Variants in WDR72 observed in about 807,000 individuals in gnomAD.
WDR72 encodes WD repeat domain 72, also known as WD repeat-containing protein 72.
WDR72 carries 120 observed loss-of-function variants against 124.2 expected under a neutral mutation model. The ratio of observed to expected loss-of-function variants is 0.97; its 90% CI spans 0.83 to 1.12. WDR72 has a LOEUF of 1.12. Among genes scored for constraint, WDR72 ranks in the 50% most tolerant of loss-of-function variants. WDR72 has a pLI of 0.00. For synonymous variants in WDR72, 452 were observed against 441.7 expected, an observed-to-expected ratio of 1.02 and a Z score of -0.29; for missense variants, 1,387 against 1,278.8, an observed-to-expected ratio of 1.08 and a Z score of -1.29.
intron 14 of WDR72, among the ~76,000 whole-genome samples, chr15:53,660,772 A>C (rs1337242550): frequency 2.6e-5 from 4 of 152,168 alleles, no homozygotes; most frequent in African/African-American, 9.7e-5. Context: ...GTTTCTCTAC[A>C]AAGGGTGGTT....
At chr15:53,660,894 T>C (rs913584316) in intron 14 of WDR72, among the ~76,000 whole-genome samples, 1 of 152,114 alleles carries the variant, frequency 6.6e-6, no homozygotes, top group Non-Finnish European at 1.5e-5. Context: ...TCATGTAAAA[T>C]ACAGATATGG....
At chr15:53,522,334 A>G (rs903411200) in intron 19 of WDR72, among the ~76,000 whole-genome samples, 1 of 152,074 alleles carries the variant, frequency 6.6e-6, no homozygotes, top group Non-Finnish European at 1.5e-5. Context: ...AATCAAAAAT[A>G]TGATACATGG....
At chr15:53,607,827 C>T (rs150924213) in intron 17 of WDR72, among the ~76,000 whole-genome samples, 14 of 151,774 alleles carry the variant, frequency 9.2e-5, no homozygotes, top group African/African-American at 3.4e-4. Context: ...TCTAACAATC[C>T]AATAAAAAAA....
At chr15:53,567,963 A>G (rs1171054822) in intron 18 of WDR72, among the ~76,000 whole-genome samples, 1 of 150,744 alleles carries the variant, frequency 6.6e-6, no homozygotes, top group Non-Finnish European at 1.5e-5. Context: ...TTTATCTCAA[A>G]CATTAATTGC....
intron 9 of WDR72, among the ~76,000 whole-genome samples, chr15:53,710,428 G>A (rs907170026): frequency 6.6e-6 from 1 of 151,836 alleles, no homozygotes; most frequent in Non-Finnish European, 1.5e-5. Flanking sequence ...GTTAGCAATT[G>A]GTGAATCTAA....
chr15:53,690,191 A>G, intron 13 of WDR72, among the ~76,000 whole-genome samples: 1 of 152,028 alleles, frequency 6.6e-6, no homozygotes, highest in Non-Finnish European at 1.5e-5. Context: ...CAATGTGCAC[A>G]TGTACCCTAA....
At chr15:53,630,769 A>G (rs1053393770) in intron 14 of WDR72, among the ~76,000 whole-genome samples, 1 of 152,128 alleles carries the variant, frequency 6.6e-6, no homozygotes, top group Non-Finnish European at 1.5e-5. Context: ...ATGGTGAAAA[A>G]CCAAATGCTT....
intron 14 of WDR72, among the ~76,000 whole-genome samples, chr15:53,646,591 GA>G: frequency 6.6e-6 from 1 of 152,220 alleles, no homozygotes; most frequent in African/African-American, 2.4e-5. Context: ...ACAAACAAGA[GA>G]CAAAAGCTAG....
intron 14 of WDR72, among the ~76,000 whole-genome samples, chr15:53,633,611 T>C (rs1019744638): frequency 6.6e-6 from 1 of 152,188 alleles, no homozygotes; most frequent in Non-Finnish European, 1.5e-5. Context: ...TTTATGTATC[T>C]AACAGCATAG....
chr15:53,515,031 ATATATATGTG>A lies in WDR72; in HGVS notation c.*2658_*2667del, dbSNP rs1344783506. The A allele has an allele frequency of 8.9e-4, 112 of 125,226 alleles. No homozygotes were observed. The highest frequency in any genetic ancestry group is 2.7e-3 in the African/African-American group (103 of 37,522). The allele number at this position is 125,226 out of a possible 1,614,324, so 7.8% of individuals were successfully genotyped here. ...GCCATATATATATATATATACACAC[ATATATATGTG>A]TATATATATGTGTGTATATATATAC... On this transcript the variant is annotated 3_prime_UTR_variant, in exon 20 of 20. Transcript: ENST00000360509.
At chr15:53,727,570 C>T (rs1018258429) in intron 2 of WDR72, among the ~76,000 whole-genome samples, 4 of 152,142 alleles carry the variant, frequency 2.6e-5, no homozygotes, top group Admixed American at 2.0e-4. Flanking sequence ...CAGAAGGTTC[C>T]ATCTCAGAGA....
intron 13 of WDR72, among the ~76,000 whole-genome samples, chr15:53,693,896 G>C (rs1294222479): frequency 6.6e-6 from 1 of 152,140 alleles, no homozygotes; most frequent in African/African-American, 2.4e-5. Flanking sequence ...TCAGAGGCTG[G>C]GTGCTCATGC....
At chr15:53,518,964 A>G (rs1891630652) in intron 19 of WDR72, among the ~76,000 whole-genome samples, 2 of 152,134 alleles carry the variant, frequency 1.3e-5, no homozygotes, top group Admixed American at 6.6e-5. Flanking sequence ...ATTATAAACT[A>G]CTTCAGAATG....
In WDR72 at chr15:53,606,063, A is replaced by G. The variant is rs559266025; in HGVS notation, c.2952+3450T>C. Among the ~76,000 whole-genome samples the G allele has an allele frequency of 1.8e-4, 27 of 152,256 alleles. No homozygotes were observed. In the South Asian group the frequency reaches 5.4e-3, roughly 30 times the overall value. ...AGTCTGGACTTCCTGTAGAGTGGGT[A>G]AATTCTCTGGTAGTCTTTGTCCACA... On this transcript the variant is annotated intron_variant, in intron 17 of 19. Coordinates refer to ENST00000360509, the MANE Select transcript of WDR72 (RefSeq NM_182758.4).
chr15:53,679,366 T>A (rs1463545127), intron 13 of WDR72, among the ~76,000 whole-genome samples: 3 of 152,126 alleles, frequency 2.0e-5, no homozygotes, highest in East Asian at 3.9e-4. Flanking sequence ...ACAATCATCA[T>A]AATAAAAAAG....
chr15:53,550,893 C>T (rs765575400), intron 18 of WDR72, among the ~76,000 whole-genome samples: 1 of 152,028 alleles, frequency 6.6e-6, no homozygotes, highest in Non-Finnish European at 1.5e-5. Context: ...AGGAGACACA[C>T]AATCTGTACA....
At position 53,556,231 on chromosome 15, in the gene WDR72, GTAAC is replaced by G. The variant is rs549630061; in HGVS notation, c.3149-32913_3149-32910del. Among the ~76,000 whole-genome samples the G allele has an allele frequency of 2.0e-4, 31 of 152,202 alleles. No homozygotes were observed. In the East Asian group the frequency reaches 6.0e-3, roughly 30 times the overall value. On this transcript the variant is annotated intron_variant, in intron 18 of 19. Coordinates refer to ENST00000360509, the MANE Select transcript of WDR72 (RefSeq NM_182758.4). ...ACCAACAGTTAAATAATGAGATTGA[GTAAC>G]TGAGTATCAGGATATAAATTATAAT...
intron 17 of WDR72, among the ~76,000 whole-genome samples, chr15:53,597,836 A>AAGG (rs1413445984): frequency 6.6e-6 from 1 of 152,130 alleles, no homozygotes; most frequent in Non-Finnish European, 1.5e-5. Context: ...GTGCCCAGTC[A>AAGG]AGGACCTATG....
At chr15:53,622,970 C>G (rs927782335) in intron 14 of WDR72, among the ~76,000 whole-genome samples, 1 of 152,004 alleles carries the variant, frequency 6.6e-6, no homozygotes, top group Non-Finnish European at 1.5e-5. Flanking sequence ...ATATTTTAGG[C>G]ATATAAAGAA....
Sources: allele counts gnomAD v4.1 joint callset (sites outside exome capture counted in the v4.1 genomes callset), GRCh38; gene constraint gnomAD v4.1.1; transcripts MANE v1.5; gene names NCBI Gene and HGNC (gene_info 2026-07-23, HGNC 2026-07-21).